DRAM1: variants seen among roughly 807,000 people sequenced by gnomAD.
The protein encoded by DRAM1 is DNA damage-regulated autophagy modulator protein 1.
A neutral mutation model predicts 28.5 loss-of-function variants in DRAM1; 25 were observed. That is an observed-to-expected ratio of 0.88 (90% CI 0.64 to 1.23). The LOEUF (loss-of-function observed/expected upper bound fraction) is 1.23, where lower values mean the gene tolerates loss of function less well. Ranked by LOEUF, DRAM1 falls within the 50% of genes most tolerant of loss-of-function variation. DRAM1 has a pLI of 0.00. For missense variants in DRAM1, 249 were observed against 299.2 expected (o/e 0.83, Z 1.24); for synonymous variants, 113 against 114.2 (o/e 0.99, Z 0.07).
At chr12:101,892,456 G>C (rs1430486023) in intron 1 of DRAM1, among the ~76,000 whole-genome samples, 2 of 145,432 alleles carry the variant, frequency 1.4e-5, no homozygotes, top group African/African-American at 5.0e-5. Flanking sequence ...GTTTCACCAT[G>C]TTGGCCAGGC....
intron 1 of DRAM1, among the ~76,000 whole-genome samples, chr12:101,892,030 T>A (rs980888313): frequency 2.0e-5 from 3 of 152,114 alleles, no homozygotes; most frequent in African/African-American, 7.2e-5. Context: ...ACCCACAGGG[T>A]CTCTTGGTTA....
chr12:101,912,685 G>A (rs578112863), intron 4 of DRAM1, among the ~76,000 whole-genome samples: 1 of 151,746 alleles, frequency 6.6e-6, no homozygotes, highest in South Asian at 2.1e-4. Flanking sequence ...GAGAGATGAC[G>A]CTGACTCTGA....
At position 101,921,570 on chromosome 12, in the gene DRAM1, C is replaced by T. The variant is rs776640164; in HGVS notation, c.*310C>T. 5 of 215,348 alleles carry T rather than the reference C, an allele frequency of 2.3e-5. No individual in the cohort carries two copies. Among genetic ancestry groups the T allele is most frequent in the Non-Finnish European group, 4.5e-5 (5 of 111,988 alleles). 13.3% of individuals were successfully genotyped at this position (215,348 alleles called of 1,614,324 possible). ...GAGAGCTCTTATTTTTGTACAGATT[C>T]TGTCGTTTTTGTTTTATTTGTGTGA... On this transcript the variant is annotated 3_prime_UTR_variant, in exon 7 of 7. Coordinates refer to ENST00000258534, the MANE Select transcript of DRAM1 (RefSeq NM_018370.3).
At chr12:101,881,222 G>A (rs1311172996) in intron 1 of DRAM1, among the ~76,000 whole-genome samples, 3 of 152,294 alleles carry the variant, frequency 2.0e-5, no homozygotes, top group Non-Finnish European at 4.4e-5. Context: ...AGAGGTTGCC[G>A]TGAACCGAGA....
In DRAM1 at chr12:101,922,241, T is replaced by G. The variant is rs1874511659; in HGVS notation, c.*981T>G. Reference sequence around the variant, plus strand: ...TGTGGCTGGATGTCCCACAACACTATAAGAAATATAAGTCAAGCCCTTTGT... The same window carrying G: ...TGTGGCTGGATGTCCCACAACACTAGAAGAAATATAAGTCAAGCCCTTTGT... On this transcript the variant is annotated 3_prime_UTR_variant, in exon 7 of 7. Transcript: ENST00000258534. The G allele has an allele frequency of 6.6e-6, 1 of 152,194 alleles. No homozygotes were observed. The highest frequency in any genetic ancestry group is 2.1e-4 in the South Asian group (1 of 4,824). The allele number at this position is 152,194 out of a possible 1,614,324, so 9.4% of individuals were successfully genotyped here.
At chr12:101,888,851 C>A (rs1437263708) in intron 1 of DRAM1, among the ~76,000 whole-genome samples, 1 of 128,118 alleles carries the variant, frequency 7.8e-6, no homozygotes, top group African/African-American at 3.2e-5. Context: ...GTTGCCCAGA[C>A]TGGATTGCAG....
chr12:101,920,293 C>CTTTATTTTTTTTT, intron 6 of DRAM1, 92 bp downstream of exon 6: 4 of 262,134 alleles, frequency 1.5e-5, no homozygotes, highest in Non-Finnish European at 1.1e-5. Context: ...AAAAAGAGCA[C>CTTTATTTTTTTTT]TTTCTTTTTT....
intron 1 of DRAM1, among the ~76,000 whole-genome samples, chr12:101,887,376 C>T (rs1019121919): frequency 6.6e-6 from 1 of 152,050 alleles, no homozygotes; most frequent in Non-Finnish European, 1.5e-5. Flanking sequence ...AGAGTAGATG[C>T]GATTTATATG....
At chr12:101,918,779 TG>T (rs1874354026) in intron 5 of DRAM1, among the ~76,000 whole-genome samples, 1 of 152,082 alleles carries the variant, frequency 6.6e-6, no homozygotes, top group African/African-American at 2.4e-5. Flanking sequence ...TAGGGGTAGT[TG>T]CTCATTTCAG....
chr12:101,884,150 G>A (rs1202198614), intron 1 of DRAM1, among the ~76,000 whole-genome samples: 1 of 151,984 alleles, frequency 6.6e-6, no homozygotes, highest in Non-Finnish European at 1.5e-5. Flanking sequence ...ACTTTGGGAG[G>A]CTGAAGTGGG....
rs1267967521 is a variant in DRAM1 at position 101,923,183 on chromosome 12, A to C, written c.*1923A>C. On this transcript the variant is annotated 3_prime_UTR_variant, in exon 7 of 7. Transcript: ENST00000258534. ...TGTAGTGCTGGGGATCCCCCTTGTAACACTGGAACTGAAAGACAGTGATGA... is the reference window on the plus strand; with the variant it reads ...TGTAGTGCTGGGGATCCCCCTTGTACCACTGGAACTGAAAGACAGTGATGA... 6.6e-6 allele frequency: 1 copy of C among 152,224 alleles called. No homozygotes were observed. Among genetic ancestry groups the C allele is most frequent in the Admixed American group, 6.5e-5 (1 of 15,284 alleles). 9.4% of individuals were successfully genotyped at this position (152,224 alleles called of 1,614,324 possible). A position where few individuals can be genotyped will look rare whatever the true frequency, so the allele number is the denominator to read the frequency against.
At chr12:101,890,282 G>T in intron 1 of DRAM1, 1 of 307,690 alleles carries the variant, frequency 3.3e-6, no homozygotes. Flanking sequence ...GTTTCACCAT[G>T]TTGCCCAGGC....
At chr12:101,909,519 A>ATT (rs1176043296) in intron 4 of DRAM1, among the ~76,000 whole-genome samples, 3 of 151,858 alleles carry the variant, frequency 2.0e-5, no homozygotes, top group African/African-American at 4.8e-5. Flanking sequence ...TCAAGGCTAA[A>ATT]CTCTCCCCCT....
chr12:101,903,519 T>G (rs1238691153), intron 3 of DRAM1, among the ~76,000 whole-genome samples: 2 of 151,560 alleles, frequency 1.3e-5, no homozygotes, highest in African/African-American at 4.9e-5. Flanking sequence ...GTTACAGGAG[T>G]GAAGAGGAAG....
rs542657088 is a variant in DRAM1 at position 101,881,418 on chromosome 12, C to T, written c.131+3498C>T. On this transcript the variant is annotated intron_variant, in intron 1 of 6. Coordinates refer to ENST00000258534, the MANE Select transcript of DRAM1 (RefSeq NM_018370.3). Reference sequence around the variant, plus strand: ...CTATGTTGCCCAGGCTGGTCTCGAACTCCATGGCTCAAGCAATCCCCTGAC... The same window carrying T: ...CTATGTTGCCCAGGCTGGTCTCGAATTCCATGGCTCAAGCAATCCCCTGAC... Among the ~76,000 whole-genome samples, 8 of 152,186 alleles carry T rather than the reference C, an allele frequency of 5.3e-5. No individual in the cohort carries two copies. The South Asian group carries it at 1.0e-3, about 20-fold the overall frequency.
intron 5 of DRAM1, among the ~76,000 whole-genome samples, chr12:101,918,586 G>T (rs57877976): frequency 0.06 from 9,123 of 152,244 alleles, 912 homozygotes; most frequent in African/African-American, 0.21. Flanking sequence ...CTGTCTGGAT[G>T]AAAACAGGAT....
chr12:101,898,974 T>C (rs1347432939), intron 2 of DRAM1, among the ~76,000 whole-genome samples: 1 of 152,218 alleles, frequency 6.6e-6, no homozygotes, highest in African/African-American at 2.4e-5. Context: ...AGATATCAGA[T>C]GTGGGGCATT....
At chr12:101,910,571 G>A (rs1307516281) in intron 4 of DRAM1, among the ~76,000 whole-genome samples, 11 of 150,350 alleles carry the variant, frequency 7.3e-5, no homozygotes, top group African/African-American at 2.2e-4. Context: ...TCCGCCTCCC[G>A]GGTTCAAGCA....
chr12:101,912,239 T>C (rs1226576086), intron 4 of DRAM1, among the ~76,000 whole-genome samples: 1 of 152,110 alleles, frequency 6.6e-6, no homozygotes, highest in Non-Finnish European at 1.5e-5. Flanking sequence ...TATTAGAAAA[T>C]TAAAAATTAC....
Sources: allele counts gnomAD v4.1 joint callset (sites outside exome capture counted in the v4.1 genomes callset), GRCh38; gene constraint gnomAD v4.1.1; transcripts MANE v1.5; gene names NCBI Gene and HGNC (gene_info 2026-07-23, HGNC 2026-07-21).